CUX1: variants seen among roughly 807,000 people sequenced by gnomAD.
The protein encoded by CUX1 is cut like homeobox 1.
A neutral mutation model predicts 158.8 loss-of-function variants in CUX1; 31 were observed. The ratio of observed to expected loss-of-function variants is 0.20; its 90% CI spans 0.15 to 0.26. The LOEUF is 0.26. Ranked by LOEUF, CUX1 falls within the 10% of genes least tolerant of loss-of-function variation. The pLI, the probability that CUX1 is intolerant of heterozygous loss-of-function variation, is 1.00. For missense variants in CUX1, 1,589 were observed against 2,014.6 expected (o/e 0.79, Z 4.04); for synonymous variants, 879 against 862.1 (o/e 1.02, Z -0.34).
rs868908604 is a variant in CUX1 at position 102,248,775 on chromosome 7, C to G, written c.4251C>G (p.Pro1417=). The change falls in exon 24 of 24, where the codon CCC becomes CCG. Residue 1417 remains proline, a synonymous_variant. Transcript: ENST00000292535. The surrounding 1 kb of genome is among the most constrained non-coding windows in gnomAD (Gnocchi z 5.8). ...SATATAAPAA[P]EDAATSAAAA... Reference sequence around the variant, plus strand: ...CCGCCACCGCCGCGCCCGCGGCCCCCGAGGACGCCGCTACCTCAGCCGCCG... The same window carrying G: ...CCGCCACCGCCGCGCCCGCGGCCCCGGAGGACGCCGCTACCTCAGCCGCCG... 4.8e-6 allele frequency: 5 copies of G among 1,044,380 alleles called. No individual in the cohort carries two copies. Among genetic ancestry groups the G allele is most frequent in the Non-Finnish European group, 4.6e-6 (4 of 867,568 alleles). 64.7% of individuals were successfully genotyped at this position (1,044,380 alleles called of 1,614,324 possible).
chr7:101,856,182 CAAAAAAA>C lies in CUX1; in HGVS notation c.30+38531_30+38537del, dbSNP rs768518044. Among the ~76,000 whole-genome samples the C allele has an allele frequency of 2.1e-3, 103 of 48,046 alleles. No individual in the cohort carries two copies. The East Asian group carries it at 0.026, about 12-fold the overall frequency. The allele number at this position is 48,046 out of a possible 152,430, so 31.5% of individuals were successfully genotyped here. A position where few individuals can be genotyped will look rare whatever the true frequency, so the allele number is the denominator to read the frequency against. ...TGGGTGACAGAGTGAGACCCTGTCT[CAAAAAAA>C]AAAAAAAAAAAAAAAAAGGAAACAA... is the stretch of plus-strand genomic sequence containing the variant. On this transcript the variant is annotated intron_variant, in intron 1 of 23. Coordinates refer to ENST00000292535, the MANE Select transcript of CUX1 (RefSeq NM_181552.4).
chr7:102,165,643 G>A (rs1010129651), intron 9 of CUX1, among the ~76,000 whole-genome samples: 40 of 152,164 alleles, frequency 2.6e-4, no homozygotes, highest in African/African-American at 9.2e-4. Context: ...GGGATTACAG[G>A]CGTGAGCCAC....
chr7:101,928,271 A>C (rs1805856232), intron 2 of CUX1, among the ~76,000 whole-genome samples: 1 of 152,238 alleles, frequency 6.6e-6, no homozygotes, highest in Admixed American at 6.5e-5. Flanking sequence ...AGAACAACCC[A>C]GGCACCAAGT....
intron 1 of CUX1, among the ~76,000 whole-genome samples, chr7:101,818,278 C>A (rs1792096834): frequency 6.6e-6 from 1 of 152,120 alleles, no homozygotes; most frequent in South Asian, 2.1e-4. Context: ...AAAAATAGCT[C>A]CCTTTTACCA....
In CUX1 at chr7:102,255,797, T is replaced by C. The variant is rs1789828684; in HGVS notation, c.*6755T>C. On this transcript the variant is annotated 3_prime_UTR_variant, in exon 24 of 24. Transcript: ENST00000292535. Reference sequence around the variant, plus strand: ...CACGGAGCTGCTTTTGTTTTATAATTCTTTTTTCCCCCCTTTTCCTTCTTC... The same window carrying C: ...CACGGAGCTGCTTTTGTTTTATAATCCTTTTTTCCCCCCTTTTCCTTCTTC... 1.4e-5 allele frequency: 14 copies of C among 985,358 alleles called. No homozygotes were observed. Among genetic ancestry groups the C allele is most frequent in the Non-Finnish European group, 1.7e-5 (14 of 829,862 alleles). 61.0% of individuals were successfully genotyped at this position (985,358 alleles called of 1,614,324 possible).
intron 1 of CUX1, among the ~76,000 whole-genome samples, chr7:101,902,528 C>A (rs1298718406): frequency 1.3e-5 from 2 of 152,232 alleles, no homozygotes; most frequent in East Asian, 3.8e-4. Context: ...TGGCCACTGG[C>A]TACCATTTTG....
At chr7:102,125,433 T>C (rs1281264848) in intron 8 of CUX1, 2 of 152,246 alleles carry the variant, frequency 1.3e-5, no homozygotes, top group African/African-American at 4.8e-5. Flanking sequence ...CTTAAAGCTA[T>C]GAGGTTCTGA....
chr7:102,135,403 G>A (rs556502942), intron 8 of CUX1, among the ~76,000 whole-genome samples: 4 of 152,246 alleles, frequency 2.6e-5, no homozygotes, highest in Non-Finnish European at 5.9e-5. Flanking sequence ...GTAGGCCAAG[G>A]AAGAGGAGGG....
chr7:102,147,608 A>G (rs1286172944), intron 8 of CUX1, among the ~76,000 whole-genome samples: 1 of 152,226 alleles, frequency 6.6e-6, no homozygotes. Flanking sequence ...ACAATTTGCC[A>G]AAAGAATTCT....
intron 2 of CUX1, among the ~76,000 whole-genome samples, chr7:101,925,456 T>C (rs1805477197): frequency 6.6e-6 from 1 of 152,050 alleles, no homozygotes; most frequent in South Asian, 2.1e-4. Flanking sequence ...GGTGAGGGGA[T>C]AGAGGAATGA....
chr7:102,179,637 A>G, intron 11 of CUX1, among the ~76,000 whole-genome samples: 1 of 152,226 alleles, frequency 6.6e-6, no homozygotes, highest in South Asian at 2.1e-4. Flanking sequence ...ACATATTAAA[A>G]AGTAATGATT....
intron 3 of CUX1, among the ~76,000 whole-genome samples, chr7:102,060,976 G>A (rs1824803244): frequency 7.2e-6 from 1 of 139,280 alleles, no homozygotes; most frequent in East Asian, 2.1e-4. Context: ...CCAGGCTAGA[G>A]TGCAGTGGCA....
At chr7:102,208,852 G>C (rs529230339) in intron 20 of CUX1, among the ~76,000 whole-genome samples, 1 of 152,358 alleles carries the variant, frequency 6.6e-6, no homozygotes, top group Non-Finnish European at 1.5e-5. Context: ...GTCATTGCAA[G>C]CCCGGCTTGG....
At chr7:102,044,613 T>TATCTATTATCTTAGATGTCTTAG (rs1822524333) in intron 3 of CUX1, among the ~76,000 whole-genome samples, 2 of 152,196 alleles carry the variant, frequency 1.3e-5, no homozygotes, top group South Asian at 4.1e-4. Context: ...TTAGATGCTT[T>TATCTATTATCTTAGATGTCTTAG]ATCTATTCTT....
intron 3 of CUX1, among the ~76,000 whole-genome samples, chr7:102,065,379 T>A (rs1309285307): frequency 1.3e-5 from 2 of 152,240 alleles, no homozygotes; most frequent in East Asian, 3.9e-4. Flanking sequence ...CATGCCCAGC[T>A]AATTTTTATT....
chr7:101,975,067 G>A (rs1411903058), intron 2 of CUX1, among the ~76,000 whole-genome samples: 1 of 152,042 alleles, frequency 6.6e-6, no homozygotes, highest in Non-Finnish European at 1.5e-5. Context: ...GGCCAACATG[G>A]CAAAACCTCA....
chr7:102,124,470 G>A (rs1195802429), intron 8 of CUX1, among the ~76,000 whole-genome samples: 7 of 152,250 alleles, frequency 4.6e-5, no homozygotes, highest in Admixed American at 4.6e-4. Context: ...TGAAGAAAAT[G>A]TGTAGATCCA....
At chr7:102,064,414 A>G (rs1825305228) in intron 3 of CUX1, among the ~76,000 whole-genome samples, 1 of 152,196 alleles carries the variant, frequency 6.6e-6, no homozygotes, top group Admixed American at 6.5e-5. Flanking sequence ...AGGTAGCTGG[A>G]ATTCTAGCCT....
intron 2 of CUX1, among the ~76,000 whole-genome samples, chr7:101,977,494 T>C (rs569968788): frequency 1.3e-5 from 2 of 152,216 alleles, no homozygotes; most frequent in South Asian, 4.1e-4. Context: ...ATCAAAACTT[T>C]AGCCAGGCAT....
Sources: allele counts gnomAD v4.1 joint callset (sites outside exome capture counted in the v4.1 genomes callset), GRCh38; gene constraint gnomAD v4.1.1; non-coding constraint Gnocchi (gnomAD v3.1); transcripts MANE v1.5; gene names NCBI Gene and HGNC (gene_info 2026-07-23, HGNC 2026-07-21).